Variants in PLXNA4 observed in about 807,000 individuals in gnomAD.
The protein encoded by PLXNA4 is plexin-A4.
PLXNA4 carries 44 observed loss-of-function variants against 191.8 expected under a neutral mutation model. That is an observed-to-expected ratio of 0.23 (90% CI 0.18 to 0.29). The LOEUF is 0.29. Ranked by LOEUF, PLXNA4 falls within the 10% of genes least tolerant of loss-of-function variation. PLXNA4 has a pLI of 1.00. For missense variants in PLXNA4, 1,800 were observed against 2,488.8 expected (o/e 0.72, Z 5.89); for synonymous variants, 1,082 against 1,009.5 (o/e 1.07, Z -1.36).
chr7:132,508,097 G>A lies in PLXNA4; in HGVS notation c.597C>T (p.Ile199=). ...VDGKPEYFPT[I]SSRKLTKNSE... ...AGTTCTTGGTCAGTTTCCGGCTGGAGATGGTGGGAAAATACTCGGGCTTCC... is the reference window on the plus strand; with the variant it reads ...AGTTCTTGGTCAGTTTCCGGCTGGAAATGGTGGGAAAATACTCGGGCTTCC... The change falls in exon 2 of 32, where the codon ATC becomes ATT. Residue 199 remains isoleucine, a synonymous_variant. Transcript: ENST00000321063. The surrounding 1 kb of genome is among the most constrained non-coding windows in gnomAD (Gnocchi z 4.4). 1 of 1,614,238 alleles carries A rather than the reference G, an allele frequency of 6.2e-7. No individual in the cohort carries two copies. The highest frequency in any genetic ancestry group is 8.5e-7 in the Non-Finnish European group (1 of 1,180,048).
At chr7:132,331,622 C>A (rs1802593916) in intron 3 of PLXNA4, among the ~76,000 whole-genome samples, 1 of 152,192 alleles carries the variant, frequency 6.6e-6, no homozygotes, top group Admixed American at 6.5e-5. Context: ...TCAGCCATTG[C>A]ATGTAATAAT....
chr7:132,236,304 G>C (rs898164018), intron 5 of PLXNA4, among the ~76,000 whole-genome samples: 1 of 152,076 alleles, frequency 6.6e-6, no homozygotes, highest in Non-Finnish European at 1.5e-5. Context: ...GTCTCTGTCT[G>C]TCTCTGTCTC....
intron 3 of PLXNA4, among the ~76,000 whole-genome samples, chr7:132,375,574 C>G (rs1364005350): frequency 6.6e-6 from 1 of 152,178 alleles, no homozygotes; most frequent in Non-Finnish European, 1.5e-5. Context: ...TAAATAACCA[C>G]AGCACAGTGT....
chr7:132,177,596 T>C (rs1386921168), intron 20 of PLXNA4, among the ~76,000 whole-genome samples: 5 of 151,974 alleles, frequency 3.3e-5, no homozygotes, highest in African/African-American at 7.2e-5. Context: ...CATCGGCTGC[T>C]CCCTCCCAGT....
intron 8 of PLXNA4, among the ~76,000 whole-genome samples, chr7:132,224,852 T>C (rs1798262179): frequency 6.6e-6 from 1 of 152,170 alleles, no homozygotes; most frequent in Non-Finnish European, 1.5e-5. Flanking sequence ...AGCAGATCAA[T>C]AGACCCTAAA....
intron 3 of PLXNA4, among the ~76,000 whole-genome samples, chr7:132,427,124 G>T (rs1795075001): frequency 6.6e-6 from 1 of 152,226 alleles, no homozygotes; most frequent in South Asian, 2.1e-4. Context: ...CAGGGCAACT[G>T]GGTAAGACAC....
intron 20 of PLXNA4, 151 bp downstream of exon 20, chr7:132,179,535 AC>A (rs1554381502): frequency 9.2e-7 from 1 of 1,083,474 alleles, no homozygotes; most frequent in Non-Finnish European, 1.3e-6. Context: ...ATTCGCACAG[AC>A]ACACACACCG....
Position 132,311,156 on chromosome 7 carries a change from T to TTGTGTGTGTGTGTG in PLXNA4, c.1372-12948_1372-12935dup, listed in dbSNP as rs749947062. Among the ~76,000 whole-genome samples, 803 of 132,086 alleles carry TTGTGTGTGTGTGTG rather than the reference T, an allele frequency of 6.1e-3. 7 individuals are homozygous for TTGTGTGTGTGTGTG. The highest frequency in any genetic ancestry group is 0.02 in the African/African-American group (643 of 32,894). 86.7% of individuals were successfully genotyped at this position (132,086 alleles called of 152,430 possible). A position where few individuals can be genotyped will look rare whatever the true frequency, so the allele number is the denominator to read the frequency against. On this transcript the variant is annotated intron_variant, in intron 3 of 31. Coordinates refer to ENST00000321063, the MANE Select transcript of PLXNA4 (RefSeq NM_020911.2). Reference sequence around the variant, plus strand: ...CCAGTTCCTGGGCTATCTAGGATAATTGTGTGTGTGTGTGTGTGTGTGTGT... The same window carrying TTGTGTGTGTGTGTG: ...CCAGTTCCTGGGCTATCTAGGATAATTGTGTGTGTGTGTGTGTGTGTGTGTGTGTGTGTGTGTGT...
chr7:132,238,321 A>G (rs1296692686), intron 5 of PLXNA4, among the ~76,000 whole-genome samples: 3 of 152,218 alleles, frequency 2.0e-5, no homozygotes, highest in Admixed American at 2.0e-4. Context: ...TTCTCCTAGG[A>G]GCAATGGCTT....
chr7:132,415,985 G>T (rs1050885148), intron 3 of PLXNA4, among the ~76,000 whole-genome samples: 75 of 152,304 alleles, frequency 4.9e-4, no homozygotes, highest in Non-Finnish European at 5.9e-5. Context: ...GCTACTCGTG[G>T]TTCTTTAAAA....
At chr7:132,193,668 C>G in intron 14 of PLXNA4, among the ~76,000 whole-genome samples, 1 of 152,176 alleles carries the variant, frequency 6.6e-6, no homozygotes, top group Non-Finnish European at 1.5e-5. Context: ...GAGGCAAAAA[C>G]AAAATGTTGA....
intron 3 of PLXNA4, among the ~76,000 whole-genome samples, chr7:132,362,296 G>T (rs1293877792): frequency 6.6e-6 from 1 of 152,210 alleles, no homozygotes; most frequent in Non-Finnish European, 1.5e-5. Context: ...CAATCTCAGA[G>T]AAGTGGCTTG....
chr7:132,340,834 C>T (rs750308248), intron 3 of PLXNA4, among the ~76,000 whole-genome samples: 4 of 152,146 alleles, frequency 2.6e-5, no homozygotes, highest in Non-Finnish European at 5.9e-5. Flanking sequence ...TGTGCCACCA[C>T]GCCTGGCTAA....
At chr7:132,511,402 G>T (rs1404067273) in intron 1 of PLXNA4, among the ~76,000 whole-genome samples, 1 of 152,150 alleles carries the variant, frequency 6.6e-6, no homozygotes, top group African/African-American at 2.4e-5. Context: ...TTCTAGAAAT[G>T]CACATTTCCA....
intron 4 of PLXNA4, among the ~76,000 whole-genome samples, chr7:132,254,500 C>T (rs1799365131): frequency 6.6e-6 from 1 of 152,172 alleles, no homozygotes; most frequent in Non-Finnish European, 1.5e-5. Flanking sequence ...CTTTGAGCCT[C>T]GGTTTCCTCC....
intron 6 of PLXNA4, among the ~76,000 whole-genome samples, 159 bp downstream of exon 6, chr7:132,228,187 A>G (rs1798395594): frequency 6.6e-6 from 1 of 151,866 alleles, no homozygotes; most frequent in South Asian, 2.1e-4. Context: ...CCCCCCGTAG[A>G]CACTTAATTC....
intron 4 of PLXNA4, among the ~76,000 whole-genome samples, chr7:132,255,030 C>T (rs1799386940): frequency 6.6e-6 from 1 of 152,070 alleles, no homozygotes; most frequent in African/African-American, 2.4e-5. Flanking sequence ...TCTCAGCCAC[C>T]CTATTTCTGT....
At position 132,148,568 on chromosome 7, in the gene PLXNA4, C is replaced by T. The variant is rs375808893; in HGVS notation, c.4739G>A (p.Arg1580Gln). ...ITTKIENDWK[R>Q]LNTLAHYQVP... ...CTGGTAGTGGGCCAGTGTGTTCAGT[C>T]GCTTCCAATCATTCTCAATCTTGGT... The change falls in exon 26 of 32, where the codon CGA becomes CAA. Residue 1580 changes from arginine to glutamine, a missense_variant. Coordinates refer to ENST00000321063, the MANE Select transcript of PLXNA4 (RefSeq NM_020911.2). 5 of 1,614,026 alleles carry T rather than the reference C, an allele frequency of 3.1e-6. No homozygotes were observed. Among genetic ancestry groups the T allele is most frequent in the African/African-American group, 1.3e-5 (1 of 74,916 alleles).
At chr7:132,261,684 G>A (rs553198479) in intron 4 of PLXNA4, among the ~76,000 whole-genome samples, 126 of 152,326 alleles carry the variant, frequency 8.3e-4, no homozygotes, top group African/African-American at 3.0e-3. Flanking sequence ...TTCAGGACCC[G>A]GGCAGCTGCC....
Sources: gnomAD v4.1 joint callset for allele counts (sites outside exome capture counted in the v4.1 genomes callset) on GRCh38, gnomAD v4.1.1 for gene constraint, Gnocchi (gnomAD v3.1) non-coding constraint, MANE v1.5 for transcripts, NCBI Gene and HGNC (gene_info 2026-07-23, HGNC 2026-07-21) for gene names.